Variants in FSCN2 observed in about 807,000 individuals in gnomAD.
FSCN2 encodes the protein fascin actin-bundling protein 2, retinal.
Under a neutral mutation model 37.8 loss-of-function variants are expected in FSCN2, and 46 were observed. That is an observed-to-expected ratio of 1.22 (90% CI 0.96 to 1.56). FSCN2 has a LOEUF of 1.56. FSCN2 is among the 40% of genes most tolerant of loss of function. The pLI is 0.00. For missense variants in FSCN2, 844 were observed against 730.4 expected, an observed-to-expected ratio of 1.16 and a Z score of -1.79; for synonymous variants, 351 against 309.4, an observed-to-expected ratio of 1.13 and a Z score of -1.41.
rs1352972230 is a variant in FSCN2, at chr17:81,537,130, A to T, written c.*50A>T. ...CGCATTAAAACCGTGTCTCTCCCGC[A>T]GCTGTGGGTGGGCCCCGGGGCGCCG... On this transcript the variant is annotated 3_prime_UTR_variant, in exon 5 of 5. Coordinates refer to ENST00000417245, the MANE Select transcript of FSCN2 (RefSeq NM_012418.4). 1 of 1,315,938 alleles carries T rather than the reference A, an allele frequency of 7.6e-7. No individual in the cohort carries two copies. The highest frequency in any genetic ancestry group is 9.8e-7 in the Non-Finnish European group (1 of 1,017,520). 81.5% of individuals were successfully genotyped at this position (1,315,938 alleles called of 1,614,324 possible). A position where few individuals can be genotyped will look rare whatever the true frequency, so the allele number is the denominator to read the frequency against.
upstream of FSCN2, chr17:81,528,338 C>A (rs1555670422): frequency 1.2e-5 from 7 of 588,680 alleles, no homozygotes; most frequent in South Asian, 2.0e-5. Flanking sequence ...CTGCTGCCCG[C>A]GGGCCCTCTA....
chr17:81,536,998 G>T lies in FSCN2; in HGVS notation c.1397G>T (p.Gly466Val), dbSNP rs1451386146. ...CGCCTGGCCATCCGCGCCCGGAGCG[G>T]CAAGTACCTGCGCGGCGGCGCCTCG... Reference protein sequence around the residue: ...RGRLAIRARSGKYLRGGASGL... With the variant: ...RGRLAIRARSVKYLRGGASGL... The change falls in exon 5 of 5, where the codon GGC (glycine) becomes GTC (valine). Residue 466 changes from glycine to valine, a missense_variant. Gly to Val is a moderately radical substitution (Grantham distance 109). Transcript: ENST00000417245. The T allele has an allele frequency of 1.3e-6, 2 of 1,518,112 alleles. No individual in the cohort carries two copies. The allele number at this position is 1,518,112 out of a possible 1,614,324, so 94.0% of individuals were successfully genotyped here.
At chr17:81,531,389 GGT>G (rs2032577237) in intron 1 of FSCN2, among the ~76,000 whole-genome samples, 3 of 147,576 alleles carry the variant, frequency 2.0e-5, no homozygotes, top group Admixed American at 6.7e-5. Flanking sequence ...TGGTGGTGAT[GGT>G]GATGATGGTG....
chr17:81,516,172 G>A, the FSCN2 span, among the ~76,000 whole-genome samples: 35 of 152,234 alleles, frequency 2.3e-4, no homozygotes, highest in Non-Finnish European at 4.4e-5. Context: ...ACCACTAAAT[G>A]AAACGATGGA....
chr17:81,531,321 A>ATGGTGATGATGGTGGTGG (rs2032563495), intron 1 of FSCN2, among the ~76,000 whole-genome samples: 1 of 86,564 alleles, frequency 1.2e-5, no homozygotes, highest in African/African-American at 5.9e-5. Context: ...GGTGGTGATG[A>ATGGTGATGATGGTGGTGG]TGGTGGTGGT....
chr17:81,535,612 TCACCATCCCCATCTC>T (rs2032837962), intron 2 of FSCN2, among the ~76,000 whole-genome samples: 2 of 106,878 alleles, frequency 1.9e-5, no homozygotes, highest in Non-Finnish European at 1.9e-5. Context: ...ATCACCATCA[TCACCATCCCCATCTC>T]CACCATCCCC....
the FSCN2 span, among the ~76,000 whole-genome samples, chr17:81,517,878 C>T: frequency 6.6e-6 from 1 of 151,766 alleles, no homozygotes; most frequent in East Asian, 1.9e-4. Context: ...GAGCCAGAAA[C>T]GGAGATGAAA....
At chr17:81,521,601 G>T in the FSCN2 span, among the ~76,000 whole-genome samples, 1 of 151,880 alleles carries the variant, frequency 6.6e-6, no homozygotes, top group African/African-American at 2.4e-5. Flanking sequence ...TGAACTCCTG[G>T]GTTCCAGCAG....
At chr17:81,529,759 G>A in intron 1 of FSCN2, 2 of 441,412 alleles carry the variant, frequency 4.5e-6, no homozygotes, top group Admixed American at 3.0e-5. Flanking sequence ...AGGAGGCTGT[G>A]GGGGGTCCAT....
rs886076652 is a variant in FSCN2 at position 81,536,770 on chromosome 17, C to T, written c.1254C>T (p.Asp418=). The T allele has an allele frequency of 2.4e-5, 38 of 1,601,614 alleles. No individual in the cohort carries two copies. Among genetic ancestry groups the T allele is most frequent in the East Asian group, 1.6e-4 (7 of 44,452 alleles). Residue 418 remains aspartate, a synonymous_variant, in exon 4 of 5, where the codon GAC becomes GAT. Coordinates refer to ENST00000417245, the MANE Select transcript of FSCN2 (RefSeq NM_012418.4). ...VYDVFHLSFS[D]GAYRIRGRDG... ...ACGTCTTCCACCTGAGCTTCAGCGA[C>T]GGCGCCTACCGGATCCGAGGTGCGT...
At chr17:81,526,397 G>A (rs551676122), upstream of FSCN2, among the ~76,000 whole-genome samples, 69 of 152,348 alleles carry the variant, frequency 4.5e-4, no homozygotes, top group Middle Eastern at 0.01. Context: ...TTCAGAGGCC[G>A]CGGCGGGCAG....
At chr17:81,531,774 GTGATGGTGA>G (rs1461453413) in intron 1 of FSCN2, among the ~76,000 whole-genome samples, 16 of 121,644 alleles carry the variant, frequency 1.3e-4, no homozygotes, top group South Asian at 3.5e-4. Flanking sequence ...GGTGATGATA[GTGATGGTGA>G]TGATGGTGAT....
At chr17:81,520,353 T>C in the FSCN2 span, among the ~76,000 whole-genome samples, 1 of 152,148 alleles carries the variant, frequency 6.6e-6, no homozygotes, top group Non-Finnish European at 1.5e-5. Flanking sequence ...GCCCAACCCA[T>C]GTGTCCACTT....
chr17:81,531,274 C>CGGTGGTGATGGTGAT (rs1568076984), intron 1 of FSCN2, among the ~76,000 whole-genome samples: 2 of 128,324 alleles, frequency 1.6e-5, no homozygotes, highest in African/African-American at 3.4e-5. Flanking sequence ...GTGGTGATGG[C>CGGTGGTGATGGTGAT]GGTGGTGATG....
the FSCN2 span, among the ~76,000 whole-genome samples, chr17:81,518,485 C>G: frequency 1.3e-5 from 2 of 152,040 alleles, no homozygotes; most frequent in Non-Finnish European, 2.9e-5. Flanking sequence ...GAGGAGGGAG[C>G]GCAGAGGAAG....
At position 81,536,915 on chromosome 17, in the gene FSCN2, C is replaced by G. The variant is rs756328540; in HGVS notation, c.1314C>G (p.Ser438Arg). ...TCTGGTACACGGGCAGCCACGGCAGCGTGTGCAGCGACGGCGAACGCGCCG... is the reference window on the plus strand; with the variant it reads ...TCTGGTACACGGGCAGCCACGGCAGGGTGTGCAGCGACGGCGAACGCGCCG... ...GGFWYTGSHG[S>R]VCSDGERAED... The change falls in exon 5 of 5, where the codon AGC becomes AGG. Residue 438 changes from serine (S) to arginine (R), a missense_variant. Transcript: ENST00000417245. 18 of 1,575,808 alleles carry G rather than the reference C, an allele frequency of 1.1e-5. No homozygotes were observed. The South Asian group carries it at 2.1e-4, about 18-fold the overall frequency.
the FSCN2 span, among the ~76,000 whole-genome samples, chr17:81,518,880 C>G: frequency 6.6e-6 from 1 of 152,230 alleles, no homozygotes; most frequent in African/African-American, 2.4e-5. Context: ...GCTCTGGGCG[C>G]TGTGTCCTAA....
At chr17:81,531,419 G>T (rs1598573554) in intron 1 of FSCN2, among the ~76,000 whole-genome samples, 1 of 110,202 alleles carries the variant, frequency 9.1e-6, no homozygotes. Flanking sequence ...TGGTGGTGGT[G>T]ATAGTGATGA....
chr17:81,537,069 T>TGG lies in FSCN2; in HGVS notation c.1470_1471dup (p.Glu491GlyfsTer?). The stretch of plus-strand genomic sequence containing the variant: ...CGACGCCCCGGCCGGGACCGCGCTT[T>TGG]GGGAGTACTGAGGCCGCGCCCAGAC... On this transcript the variant is annotated frameshift_variant, in exon 5 of 5. Coordinates refer to ENST00000417245, the MANE Select transcript of FSCN2 (RefSeq NM_012418.4). LOFTEE classifies it high-confidence loss of function. 6.9e-7 allele frequency: 1 copy of TGG among 1,452,294 alleles called. No homozygotes were observed. The highest frequency in any genetic ancestry group is 9.0e-7 in the Non-Finnish European group (1 of 1,109,588). The allele number at this position is 1,452,294 out of a possible 1,614,324, so 90.0% of individuals were successfully genotyped here. A position where few individuals can be genotyped will look rare whatever the true frequency, so the allele number is the denominator to read the frequency against.
Sources: gnomAD v4.1 joint callset for allele counts (sites outside exome capture counted in the v4.1 genomes callset) on GRCh38, gnomAD v4.1.1 for gene constraint, MANE v1.5 for transcripts, NCBI Gene and HGNC (gene_info 2026-07-23, HGNC 2026-07-21) for gene names.